The following ZNF385D variants were observed in gnomAD, a reference collection of about 807,000 sequenced individuals.
ZNF385D encodes the protein zinc finger protein 385D.
Under a neutral mutation model 35.8 loss-of-function variants are expected in ZNF385D, and 15 were observed. The observed-to-expected ratio is 0.42, with a 90% confidence interval of 0.28 to 0.64. The LOEUF is 0.64. Among genes scored for constraint, ZNF385D ranks in the 30% least tolerant of loss-of-function variants. ZNF385D has a pLI of 0.23. For missense variants in ZNF385D, 474 were observed against 494.6 expected, an observed-to-expected ratio of 0.96 and a Z score of 0.39; for synonymous variants, 212 against 186.8, an observed-to-expected ratio of 1.13 and a Z score of -1.10.
rs368183562 is a variant in ZNF385D, at chr3:21,599,932, C to T, written c.166-35248G>A. Among the ~76,000 whole-genome samples, 7 of 152,288 alleles carry T rather than the reference C, an allele frequency of 4.6e-5. 1 individual carries two copies. The highest frequency in any genetic ancestry group is 1.7e-4 in the African/African-American group (7 of 41,550). On this transcript the variant is annotated intron_variant, in intron 2 of 7. Transcript: ENST00000281523. ...AGGCATTCTAAATCACAGGATGAGACAGGTGGTCTGCTCGGGATACAGGTC... is the reference window on the plus strand; with the variant it reads ...AGGCATTCTAAATCACAGGATGAGATAGGTGGTCTGCTCGGGATACAGGTC...
intron 3 of ZNF385D, among the ~76,000 whole-genome samples, chr3:21,548,631 AAT>A (rs1392412280): frequency 6.6e-6 from 1 of 152,162 alleles, no homozygotes; most frequent in East Asian, 1.9e-4. Flanking sequence ...TCAATTTTTA[AAT>A]ATGTTTCTAT....
Position 21,413,794 on chromosome 3 carries a change from A to G in ZNF385D, c.*7420T>C, listed in dbSNP as rs1700525093. On this transcript the variant is annotated 3_prime_UTR_variant, in exon 8 of 8. Coordinates refer to ENST00000281523, the MANE Select transcript of ZNF385D (RefSeq NM_024697.3). Reference sequence around the variant, plus strand: ...AAGTTTTCAATAAGCTTGGTTGTCAAAAGAACACTGCCTTCAATTTATAGT... The same window carrying G: ...AAGTTTTCAATAAGCTTGGTTGTCAGAAGAACACTGCCTTCAATTTATAGT... 6.6e-6 allele frequency: 1 copy of G among 152,130 alleles called. No homozygotes were observed. Among genetic ancestry groups the G allele is most frequent in the Admixed American group, 6.6e-5 (1 of 15,260 alleles). 9.4% of individuals were successfully genotyped at this position (152,130 alleles called of 1,614,324 possible). A position where few individuals can be genotyped will look rare whatever the true frequency, so the allele number is the denominator to read the frequency against.
chr3:22,272,312 C>T lies in ZNF385D; in HGVS notation c.106+100138G>A, dbSNP rs138234328. On this transcript the variant is annotated intron_variant, in intron 2 of 5. Coordinates refer to the ZNF385D transcript ENST00000494108. ...ATGCATCATAATCTATTGTCTTTCC[C>T]GTTGAGATATTGGAGATATATCTCC... is the stretch of plus-strand genomic sequence containing the variant. 2.8e-4 allele frequency among the ~76,000 whole-genome samples: 42 copies of T among 151,950 alleles called. No homozygotes were observed. In the East Asian group the frequency reaches 3.9e-3, roughly 14 times the overall value.
At chr3:22,153,948 C>T (rs753400084) in intron 3 of ZNF385D, among the ~76,000 whole-genome samples, 1 of 152,160 alleles carries the variant, frequency 6.6e-6, no homozygotes, top group Non-Finnish European at 1.5e-5. Flanking sequence ...GCACTCTCTC[C>T]CTCTGTTAGT....
chr3:22,211,335 T>G (rs539736284), intron 2 of ZNF385D, among the ~76,000 whole-genome samples: 4 of 152,062 alleles, frequency 2.6e-5, no homozygotes, highest in African/African-American at 9.6e-5. Context: ...GTAGCCACTT[T>G]TCTCATCCTA....
intron 3 of ZNF385D, among the ~76,000 whole-genome samples, chr3:21,560,090 A>G (rs912663488): frequency 6.6e-6 from 1 of 152,074 alleles, no homozygotes; most frequent in Non-Finnish European, 1.5e-5. Context: ...GCTTCCTTGC[A>G]TTGGTTTAGA....
intron 2 of ZNF385D, among the ~76,000 whole-genome samples, chr3:22,311,566 G>A (rs960297664): frequency 1.3e-5 from 2 of 151,996 alleles, no homozygotes; most frequent in African/African-American, 4.8e-5. Context: ...AAGACTGGTG[G>A]AAAAAGTCAA....
chr3:21,489,465 C>T (rs930734748), intron 4 of ZNF385D, among the ~76,000 whole-genome samples: 7 of 152,060 alleles, frequency 4.6e-5, no homozygotes, highest in East Asian at 1.9e-4. Context: ...CTTCTGAGGG[C>T]TCTAATGCAG....
intron 3 of ZNF385D, among the ~76,000 whole-genome samples, chr3:22,129,533 C>A (rs1703649957): frequency 6.6e-6 from 1 of 151,944 alleles, no homozygotes. Flanking sequence ...AGCTAATACT[C>A]AGGTTGCAAG....
intron 2 of ZNF385D, among the ~76,000 whole-genome samples, chr3:21,614,154 C>T (rs1365205678): frequency 6.6e-6 from 1 of 152,198 alleles, no homozygotes; most frequent in African/African-American, 2.4e-5. Context: ...TCATTTCTCA[C>T]AGTTCTGGAG....
At chr3:22,002,945 A>G (rs559657123) in intron 3 of ZNF385D, among the ~76,000 whole-genome samples, 2 of 152,212 alleles carry the variant, frequency 1.3e-5, no homozygotes, top group Non-Finnish European at 2.9e-5. Context: ...AAGGTCATAT[A>G]TGACTAACTA....
intron 3 of ZNF385D, among the ~76,000 whole-genome samples, chr3:21,808,987 G>A (rs971284576): frequency 2.3e-4 from 35 of 152,094 alleles, no homozygotes; most frequent in African/African-American, 3.1e-4. Flanking sequence ...AACATCAATG[G>A]GTTGCCCGCA....
chr3:22,354,645 AG>A (rs1016444525), intron 2 of ZNF385D, among the ~76,000 whole-genome samples: 2 of 152,088 alleles, frequency 1.3e-5, no homozygotes, highest in Non-Finnish European at 2.9e-5. Context: ...AATATCCATC[AG>A]GCACGTTGTC....
intron 1 of ZNF385D, among the ~76,000 whole-genome samples, chr3:21,711,268 C>G (rs1224946503): frequency 6.6e-6 from 1 of 151,892 alleles, no homozygotes; most frequent in East Asian, 1.9e-4. Flanking sequence ...GTCTCGATCT[C>G]CTGACCTCGT....
intron 4 of ZNF385D, among the ~76,000 whole-genome samples, chr3:21,441,307 T>TA (rs1456485570): frequency 6.6e-6 from 1 of 152,072 alleles, no homozygotes; most frequent in African/African-American, 2.4e-5. Flanking sequence ...TATTAACTCA[T>TA]AAAAAACAAG....
At position 21,961,582 on chromosome 3, in the gene ZNF385D, G is replaced by A. The variant is rs558458008; in HGVS notation, c.325+207235C>T. The A allele has an allele frequency of 4.6e-5, 7 of 152,106 alleles. No individual in the cohort carries two copies. In the East Asian group the frequency reaches 1.4e-3, roughly 29 times the overall value. The allele number at this position is 152,106 out of a possible 1,614,324, so 9.4% of individuals were successfully genotyped here. A position where few individuals can be genotyped will look rare whatever the true frequency, so the allele number is the denominator to read the frequency against. ...ATTTATTTCACATTTTAATTTTAAT[G>A]CCTTTTATTTTTATAGAACATTAAA... On this transcript the variant is annotated intron_variant, in intron 3 of 5. Coordinates refer to the ZNF385D transcript ENST00000494108.
At chr3:21,845,012 A>C (rs1183469625) in intron 3 of ZNF385D, among the ~76,000 whole-genome samples, 2 of 151,984 alleles carry the variant, frequency 1.3e-5, no homozygotes, top group African/African-American at 4.8e-5. Flanking sequence ...GCAAACATGT[A>C]AATAAATAAG....
At chr3:21,629,664 A>C (rs915770724) in intron 2 of ZNF385D, among the ~76,000 whole-genome samples, 2 of 152,116 alleles carry the variant, frequency 1.3e-5, no homozygotes, top group African/African-American at 2.4e-5. Context: ...ATTCCACCAA[A>C]AGATGGGGAG....
chr3:21,976,821 T>A (rs565495630), intron 3 of ZNF385D, among the ~76,000 whole-genome samples: 1 of 152,110 alleles, frequency 6.6e-6, no homozygotes, highest in Non-Finnish European at 1.5e-5. Flanking sequence ...TGAAACCCCA[T>A]CTCTGCTAAA....
Sources: gnomAD v4.1 joint callset for allele counts (sites outside exome capture counted in the v4.1 genomes callset) on GRCh38, gnomAD v4.1.1 for gene constraint, MANE v1.5 for transcripts, NCBI Gene and HGNC (gene_info 2026-07-23, HGNC 2026-07-21) for gene names.